HS6ST3: variants seen among roughly 807,000 people sequenced by gnomAD.
The protein encoded by HS6ST3 is heparan sulfate 6-O-sulfotransferase 3.
A neutral mutation model predicts 36.7 loss-of-function variants in HS6ST3; 12 were observed. The observed-to-expected ratio is 0.33, with a 90% confidence interval of 0.21 to 0.53. HS6ST3 has a LOEUF of 0.53. Among genes scored for constraint, HS6ST3 ranks in the 20% least tolerant of loss-of-function variants. HS6ST3 has a pLI of 0.95. For missense variants in HS6ST3, 584 were observed against 640.9 expected (o/e 0.91, Z 0.96); for synonymous variants, 240 against 257.5 (o/e 0.93, Z 0.65).
chr13:96,189,776 C>G (rs528692485), intron 1 of HS6ST3, among the ~76,000 whole-genome samples: 65 of 152,294 alleles, frequency 4.3e-4, no homozygotes, highest in Middle Eastern at 3.4e-3. Context: ...TGTCTGGGAC[C>G]TCTCATTGCA....
At chr13:96,151,022 T>C (rs1218026755) in intron 1 of HS6ST3, among the ~76,000 whole-genome samples, 1 of 152,182 alleles carries the variant, frequency 6.6e-6, no homozygotes, top group African/African-American at 2.4e-5. Flanking sequence ...AAGGACATGC[T>C]TCATAGACAG....
chr13:96,206,477 C>T (rs1188327500), intron 1 of HS6ST3, among the ~76,000 whole-genome samples: 2 of 151,980 alleles, frequency 1.3e-5, no homozygotes, highest in African/African-American at 4.8e-5. Flanking sequence ...TTATGTGGAA[C>T]CAAAAAAGAG....
chr13:96,367,127 A>G (rs1267538926), intron 1 of HS6ST3, among the ~76,000 whole-genome samples: 1 of 152,224 alleles, frequency 6.6e-6, no homozygotes, highest in Admixed American at 6.5e-5. Flanking sequence ...AAACTGAGCC[A>G]TGAATAATTA....
chr13:96,259,409 G>A (rs538525714), intron 1 of HS6ST3, among the ~76,000 whole-genome samples: 2 of 152,284 alleles, frequency 1.3e-5, no homozygotes, highest in Non-Finnish European at 2.9e-5. Flanking sequence ...ACAAGAGGAT[G>A]TGGAAGCACA....
chr13:96,374,025 T>A (rs2055303122), intron 1 of HS6ST3, among the ~76,000 whole-genome samples: 1 of 152,206 alleles, frequency 6.6e-6, no homozygotes, highest in Non-Finnish European at 1.5e-5. Flanking sequence ...AGTTATTTGG[T>A]CTGGTTTCTT....
chr13:96,496,332 G>A (rs1427118775), intron 1 of HS6ST3, among the ~76,000 whole-genome samples: 1 of 152,136 alleles, frequency 6.6e-6, no homozygotes, highest in Admixed American at 6.6e-5. Context: ...TTCCAAGAAG[G>A]CCACCATCAA....
At position 96,112,596 on chromosome 13, in the gene HS6ST3, T is replaced by C. The variant is rs1405620960; in HGVS notation, c.707+21027T>C. ...ATAAATAAATATATATATATATATA[T>C]ATATATATATATATATATATATATA... On this transcript the variant is annotated intron_variant, in intron 1 of 1. Transcript: ENST00000376705. Among the ~76,000 whole-genome samples the C allele has an allele frequency of 3.2e-3, 250 of 77,496 alleles. 22 individuals are homozygous for C. Among genetic ancestry groups the C allele is most frequent in the South Asian group, 0.029 (61 of 2,118 alleles). 50.8% of individuals were successfully genotyped at this position (77,496 alleles called of 152,430 possible). A position where few individuals can be genotyped will look rare whatever the true frequency, so the allele number is the denominator to read the frequency against.
At chr13:96,627,932 A>G (rs2056518834) in intron 1 of HS6ST3, among the ~76,000 whole-genome samples, 1 of 151,780 alleles carries the variant, frequency 6.6e-6, no homozygotes, top group Non-Finnish European at 1.5e-5. Flanking sequence ...CTAAATTAAT[A>G]TTATCAAATA....
At chr13:96,409,830 TA>T (rs1945032699) in intron 1 of HS6ST3, among the ~76,000 whole-genome samples, 1 of 152,032 alleles carries the variant, frequency 6.6e-6, no homozygotes, top group African/African-American at 2.4e-5. Flanking sequence ...AGAAAGCCCC[TA>T]AAAAGATCTG....
chr13:96,136,528 T>A (rs1210965396), intron 1 of HS6ST3, among the ~76,000 whole-genome samples: 1 of 151,888 alleles, frequency 6.6e-6, no homozygotes, highest in Non-Finnish European at 1.5e-5. Flanking sequence ...GGAGGGATGG[T>A]GTTAAACCAT....
At chr13:96,230,701 T>C (rs1043423633) in intron 1 of HS6ST3, among the ~76,000 whole-genome samples, 1 of 152,054 alleles carries the variant, frequency 6.6e-6, no homozygotes, top group Non-Finnish European at 1.5e-5. Context: ...GAGTGTAGAC[T>C]TCTCTCACAA....
chr13:96,241,786 CTT>C (rs1235986148), intron 1 of HS6ST3, among the ~76,000 whole-genome samples: 12 of 131,388 alleles, frequency 9.1e-5, no homozygotes, highest in Non-Finnish European at 1.1e-4. Context: ...TTTTTTCTTT[CTT>C]TTTTTTTTTT....
chr13:96,332,201 C>T (rs1308327884), intron 1 of HS6ST3, among the ~76,000 whole-genome samples: 1 of 152,148 alleles, frequency 6.6e-6, no homozygotes, highest in Non-Finnish European at 1.5e-5. Flanking sequence ...CATCTTGGCT[C>T]CTCCCCCCAT....
chr13:96,287,293 A>G (rs894199486), intron 1 of HS6ST3, among the ~76,000 whole-genome samples: 7 of 152,226 alleles, frequency 4.6e-5, no homozygotes, highest in African/African-American at 1.4e-4. Context: ...ACTCTGATTT[A>G]CTTCAAGGAG....
intron 1 of HS6ST3, among the ~76,000 whole-genome samples, chr13:96,194,751 C>T (rs550389406): frequency 6.6e-6 from 1 of 152,060 alleles, no homozygotes; most frequent in African/African-American, 2.4e-5. Flanking sequence ...CCACCTCCCC[C>T]ACAAGCCCCC....
chr13:96,622,900 A>G (rs962362542), intron 1 of HS6ST3, among the ~76,000 whole-genome samples: 6 of 152,218 alleles, frequency 3.9e-5, no homozygotes, highest in African/African-American at 1.2e-4. Flanking sequence ...CTATTTCTAG[A>G]CATTCCAGGT....
chr13:96,127,930 G>T (rs926389345), intron 1 of HS6ST3, among the ~76,000 whole-genome samples: 1 of 152,098 alleles, frequency 6.6e-6, no homozygotes, highest in Admixed American at 6.5e-5. Context: ...ATTCCCAAAG[G>T]TTTTGAAATA....
chr13:96,222,629 A>G (rs911631608), intron 1 of HS6ST3, among the ~76,000 whole-genome samples: 7 of 152,226 alleles, frequency 4.6e-5, no homozygotes, highest in Admixed American at 2.6e-4. Context: ...CTCTTTCTAT[A>G]GGAGTACTGT....
chr13:96,284,948 TTTC>T (rs1028123674), intron 1 of HS6ST3, among the ~76,000 whole-genome samples: 1 of 151,326 alleles, frequency 6.6e-6, no homozygotes, highest in African/African-American at 2.4e-5. Context: ...TCTTTCTTTC[TTTC>T]TTTCTTTCTT....
Sources: gnomAD v4.1 joint callset for allele counts (sites outside exome capture counted in the v4.1 genomes callset) on GRCh38, gnomAD v4.1.1 for gene constraint, MANE v1.5 for transcripts, NCBI Gene and HGNC (gene_info 2026-07-23, HGNC 2026-07-21) for gene names.